Variants in CTNNA3 observed in about 807,000 individuals in gnomAD.
CTNNA3 encodes the protein catenin alpha 3, also known as catenin alpha-3.
CTNNA3 carries 76 observed loss-of-function variants against 95.7 expected under a neutral mutation model. That is an observed-to-expected ratio of 0.79 (90% CI 0.66 to 0.96). The LOEUF (loss-of-function observed/expected upper bound fraction) is 0.96, where lower values mean the gene tolerates loss of function less well. Ranked by LOEUF, CTNNA3 falls within the 40% of genes least tolerant of loss-of-function variation. The probability of loss-of-function intolerance (pLI) is 0.00; values close to 1 mark genes in which losing one functional copy is unlikely to be tolerated. For missense variants in CTNNA3, 1,191 were observed against 1,089.8 expected (o/e 1.09, Z -1.31); for synonymous variants, 431 against 374.4 (o/e 1.15, Z -1.74).
intron 1 of CTNNA3, among the ~76,000 whole-genome samples, chr10:67,758,948 T>C (rs560196582): frequency 2.6e-4 from 40 of 152,284 alleles, no homozygotes; most frequent in African/African-American, 9.6e-4. Context: ...GGCCATGGCA[T>C]TAAGAGACTG....
intron 17 of CTNNA3, among the ~76,000 whole-genome samples, chr10:65,944,586 T>C (rs2077480690): frequency 6.6e-6 from 1 of 152,170 alleles, no homozygotes; most frequent in Non-Finnish European, 1.5e-5. Flanking sequence ...CCCGTGTACA[T>C]TGTGCAGGGA....
chr10:67,566,364 C>T (rs1220034738), intron 3 of CTNNA3, among the ~76,000 whole-genome samples: 3 of 151,168 alleles, frequency 2.0e-5, no homozygotes, highest in East Asian at 2.0e-4. Flanking sequence ...GGGCAAAGGA[C>T]ATGAACAGAC....
intron 10 of CTNNA3, among the ~76,000 whole-genome samples, chr10:66,610,614 A>T (rs1049634585): frequency 6.6e-6 from 1 of 152,192 alleles, no homozygotes; most frequent in African/African-American, 2.4e-5. Context: ...AGCTATTATT[A>T]AAAGGACAAA....
rs541866135 is a variant in CTNNA3 at position 67,230,724 on chromosome 10, G to A, written c.580-10854C>T. 1.1e-4 allele frequency among the ~76,000 whole-genome samples: 17 copies of A among 152,314 alleles called. No individual in the cohort carries two copies. The East Asian group carries it at 1.5e-3, about 14-fold the overall frequency. On this transcript the variant is annotated intron_variant, in intron 5 of 17. Coordinates refer to ENST00000433211, the MANE Select transcript of CTNNA3 (RefSeq NM_013266.4). Reference sequence around the variant, plus strand: ...GTCTACAGCTCCCAGCTTGAGCGACGCAGAAGACAGGTGATTTCTGCATTT... The same window carrying A: ...GTCTACAGCTCCCAGCTTGAGCGACACAGAAGACAGGTGATTTCTGCATTT...
intron 15 of CTNNA3, among the ~76,000 whole-genome samples, chr10:66,015,068 A>G (rs1037064254): frequency 6.6e-6 from 1 of 152,062 alleles, no homozygotes; most frequent in African/African-American, 2.4e-5. Flanking sequence ...ACACCACTGC[A>G]CTTCAGCATG....
chr10:67,554,042 G>T (rs1379390553), intron 3 of CTNNA3, among the ~76,000 whole-genome samples: 12 of 152,114 alleles, frequency 7.9e-5, no homozygotes, highest in Admixed American at 7.9e-4. Flanking sequence ...ACTTTGCTCA[G>T]AATGATGGTT....
chr10:66,785,381 G>A (rs537398149), intron 7 of CTNNA3, among the ~76,000 whole-genome samples: 2 of 152,200 alleles, frequency 1.3e-5, no homozygotes, highest in Admixed American at 6.5e-5. Context: ...ACCCAGTAAA[G>A]AACAAAATGC....
chr10:67,715,640 G>A (rs933336355), intron 1 of CTNNA3, among the ~76,000 whole-genome samples: 2 of 152,098 alleles, frequency 1.3e-5, no homozygotes, highest in African/African-American at 4.8e-5. Flanking sequence ...TCTGGAAACT[G>A]GCAAGAATTA....
intron 13 of CTNNA3, among the ~76,000 whole-genome samples, chr10:66,130,219 T>A (rs542895217): frequency 6.6e-6 from 1 of 152,126 alleles, no homozygotes; most frequent in African/African-American, 2.4e-5. Flanking sequence ...AAAGCAGTGG[T>A]AAGAGGGAAA....
chr10:67,178,966 T>C (rs1862372920), intron 7 of CTNNA3, among the ~76,000 whole-genome samples: 1 of 152,106 alleles, frequency 6.6e-6, no homozygotes, highest in Non-Finnish European at 1.5e-5. Context: ...CTTACAACTT[T>C]GATTTATCGA....
At chr10:66,155,747 T>G (rs2084465491) in intron 13 of CTNNA3, among the ~76,000 whole-genome samples, 1 of 151,868 alleles carries the variant, frequency 6.6e-6, no homozygotes, top group Admixed American at 6.6e-5. Flanking sequence ...ACAATAAAGC[T>G]TTTAGAAGCA....
intron 7 of CTNNA3, among the ~76,000 whole-genome samples, chr10:67,091,808 C>G (rs1306920350): frequency 6.6e-6 from 1 of 151,970 alleles, no homozygotes; most frequent in Non-Finnish European, 1.5e-5. Context: ...ATTAAGCTGA[C>G]TTAATCTAAT....
chr10:67,260,405 G>T (rs1024706288), intron 5 of CTNNA3, among the ~76,000 whole-genome samples: 1 of 152,068 alleles, frequency 6.6e-6, no homozygotes, highest in Admixed American at 6.6e-5. Context: ...AAGAAATTTG[G>T]CAACAAATAT....
chr10:67,136,482 T>C (rs1490612079), intron 7 of CTNNA3, among the ~76,000 whole-genome samples: 3 of 152,008 alleles, frequency 2.0e-5, no homozygotes, highest in Non-Finnish European at 4.4e-5. Context: ...AGGTAAACGA[T>C]AGTGCACACA....
chr10:67,586,372 T>G (rs2133335272), intron 3 of CTNNA3, among the ~76,000 whole-genome samples: 1 of 152,300 alleles, frequency 6.6e-6, no homozygotes, highest in Non-Finnish European at 1.5e-5. Flanking sequence ...TTATTGATTC[T>G]CTATCTCAAT....
intron 7 of CTNNA3, among the ~76,000 whole-genome samples, chr10:67,059,084 C>T (rs932397651): frequency 8.5e-5 from 13 of 152,102 alleles, no homozygotes; most frequent in Non-Finnish European, 1.8e-4. Flanking sequence ...CAAATGAGTC[C>T]ACTTAGTCTT....
intron 11 of CTNNA3, among the ~76,000 whole-genome samples, chr10:66,418,458 C>A (rs957521331): frequency 3.4e-5 from 5 of 147,484 alleles, no homozygotes; most frequent in Admixed American, 2.7e-4. Flanking sequence ...GAACTAATAC[C>A]AATCTTTCCC....
intron 7 of CTNNA3, among the ~76,000 whole-genome samples, chr10:67,075,170 GCA>G (rs57260841): frequency 6.7e-6 from 1 of 149,724 alleles, no homozygotes; most frequent in Non-Finnish European, 1.5e-5. Context: ...AAGGATTTCT[GCA>G]CACACACACA....
intron 1 of CTNNA3, chr10:67,665,739 T>G (rs1200482965): frequency 1.3e-5 from 2 of 152,160 alleles, no homozygotes; most frequent in African/African-American, 4.8e-5. Context: ...GAAGGGGGGA[T>G]GGGTGCTCTT....
Sources: allele counts gnomAD v4.1 joint callset (sites outside exome capture counted in the v4.1 genomes callset), GRCh38; gene constraint gnomAD v4.1.1; transcripts MANE v1.5; gene names NCBI Gene and HGNC (gene_info 2026-07-23, HGNC 2026-07-21).